Variants in SGCD observed in about 807,000 individuals in gnomAD.
The protein encoded by SGCD is sarcoglycan delta.
Under a neutral mutation model 36.6 loss-of-function variants are expected in SGCD, and 18 were observed. That is an observed-to-expected ratio of 0.49 (90% CI 0.34 to 0.73). The LOEUF is 0.73. Ranked by LOEUF, SGCD falls within the 30% of genes least tolerant of loss-of-function variation. The pLI is 0.01. For missense variants in SGCD, 387 were observed against 346.7 expected, an observed-to-expected ratio of 1.12 and a Z score of -0.92; for synonymous variants, 133 against 130.6, an observed-to-expected ratio of 1.02 and a Z score of -0.12.
At chr5:156,041,757 G>A (rs1424859336) in intron 1 of SGCD, among the ~76,000 whole-genome samples, 1 of 152,028 alleles carries the variant, frequency 6.6e-6, no homozygotes, top group Non-Finnish European at 1.5e-5. Context: ...TCATCATAAG[G>A]CAAAATAGAA....
At chr5:155,873,437 A>G (rs2113279971) in intron 1 of SGCD, among the ~76,000 whole-genome samples, 1 of 152,320 alleles carries the variant, frequency 6.6e-6, no homozygotes, top group East Asian at 1.9e-4. Flanking sequence ...AAGTCCAAAT[A>G]CTGCATGTTC....
At chr5:156,218,411 GA>G (rs1764631340) in intron 3 of SGCD, among the ~76,000 whole-genome samples, 1 of 152,030 alleles carries the variant, frequency 6.6e-6, no homozygotes, top group Admixed American at 6.6e-5. Flanking sequence ...AATTGCAATA[GA>G]TTTTTAGCAT....
chr5:156,625,948 C>T (rs1239572031), intron 6 of SGCD, among the ~76,000 whole-genome samples: 1 of 151,114 alleles, frequency 6.6e-6, no homozygotes, highest in Non-Finnish European at 1.5e-5. Context: ...TGATTCTCAA[C>T]AGTGGTGTGT....
intron 6 of SGCD, among the ~76,000 whole-genome samples, chr5:156,613,571 A>G (rs917858874): frequency 1.3e-5 from 2 of 152,200 alleles, no homozygotes; most frequent in Non-Finnish European, 2.9e-5. Flanking sequence ...AAGACAGTGG[A>G]TCTCAAAAAT....
At chr5:156,584,429 CTA>C in intron 4 of SGCD, among the ~76,000 whole-genome samples, 1 of 152,154 alleles carries the variant, frequency 6.6e-6, no homozygotes, top group Non-Finnish European at 1.5e-5. Context: ...AGACCAGGGG[CTA>C]CCTGCTCAGC....
the SGCD span, among the ~76,000 whole-genome samples, chr5:155,857,161 C>T: frequency 5.9e-5 from 9 of 152,230 alleles, no homozygotes; most frequent in South Asian, 2.1e-4. Context: ...TGCTTGATCC[C>T]GGGAAGCAGA....
rs1435091784 is a variant in SGCD, at chr5:156,761,614, T to A, written c.*2224T>A. Reference sequence around the variant, plus strand: ...CAAAGTCATTTGTGGCTAGATAGGTTAAGACAGGTGATTTTTTAAAGTAGA... The same window carrying A: ...CAAAGTCATTTGTGGCTAGATAGGTAAAGACAGGTGATTTTTTAAAGTAGA... On this transcript the variant is annotated 3_prime_UTR_variant, in exon 9 of 9. Transcript: ENST00000337851. 2 of 152,212 alleles carry A rather than the reference T, an allele frequency of 1.3e-5. No homozygotes were observed. Among genetic ancestry groups the A allele is most frequent in the African/African-American group, 4.8e-5 (2 of 41,448 alleles). The allele number at this position is 152,212 out of a possible 1,614,324, so 9.4% of individuals were successfully genotyped here.
intron 3 of SGCD, among the ~76,000 whole-genome samples, chr5:156,440,276 A>G (rs1753426405): frequency 6.6e-6 from 1 of 152,120 alleles, no homozygotes; most frequent in Non-Finnish European, 1.5e-5. Context: ...ACATAGCCTA[A>G]TGTTTCATCC....
intron 3 of SGCD, among the ~76,000 whole-genome samples, chr5:156,315,799 C>T (rs1294450997): frequency 6.6e-6 from 1 of 151,902 alleles, no homozygotes. Context: ...TTGGATATCC[C>T]TGATGATTAA....
intron 3 of SGCD, among the ~76,000 whole-genome samples, chr5:156,142,331 T>C (rs1393654556): frequency 1.3e-5 from 2 of 152,194 alleles, no homozygotes; most frequent in African/African-American, 4.8e-5. Flanking sequence ...AAGTATTTCT[T>C]TACAACAATG....
the SGCD span, among the ~76,000 whole-genome samples, chr5:155,762,929 C>T: frequency 5.3e-5 from 8 of 152,138 alleles, no homozygotes; most frequent in African/African-American, 1.9e-4. Context: ...AGGAACACAT[C>T]AAAAGGGAAT....
At chr5:156,013,185 C>T (rs1246753937) in intron 1 of SGCD, among the ~76,000 whole-genome samples, 6 of 151,732 alleles carry the variant, frequency 4.0e-5, no homozygotes, top group Non-Finnish European at 5.9e-5. Context: ...CCACCACACC[C>T]GGCTAATTTT....
Position 156,156,354 on chromosome 5 carries a change from C to T in SGCD, c.-44+32335C>T, listed in dbSNP as rs116452061. On this transcript the variant is annotated intron_variant, in intron 3 of 9. Transcript: ENST00000517913. Reference sequence around the variant, plus strand: ...GAATATTAAAACAGCTGTGGCTGGGCACGGTGGCTCACACCTGTAATCCCA... The same window carrying T: ...GAATATTAAAACAGCTGTGGCTGGGTACGGTGGCTCACACCTGTAATCCCA... Among the ~76,000 whole-genome samples the T allele has an allele frequency of 9.2e-3, 1,399 of 151,630 alleles. 62 individuals are homozygous for T. The highest frequency in any genetic ancestry group is 0.033 in the African/African-American group (1,347 of 40,958).
At chr5:156,588,978 G>A (rs186445558) in intron 4 of SGCD, among the ~76,000 whole-genome samples, 3 of 145,426 alleles carry the variant, frequency 2.1e-5, no homozygotes, top group African/African-American at 7.9e-5. Context: ...GTGTTCTGGG[G>A]GAATCTATAT....
the SGCD span, among the ~76,000 whole-genome samples, chr5:155,857,618 A>G: frequency 1.3e-5 from 2 of 152,180 alleles, no homozygotes; most frequent in Admixed American, 1.3e-4. Context: ...ACAAGCCACT[A>G]GGTCACTGGG....
intron 6 of SGCD, among the ~76,000 whole-genome samples, chr5:156,610,583 A>G (rs925819861): frequency 6.6e-6 from 1 of 152,242 alleles, no homozygotes; most frequent in African/African-American, 2.4e-5. Context: ...TGACAGGGAC[A>G]TTTAAGTTTG....
intron 3 of SGCD, among the ~76,000 whole-genome samples, chr5:156,441,703 A>G (rs1753497872): frequency 6.6e-6 from 1 of 152,140 alleles, no homozygotes; most frequent in African/African-American, 2.4e-5. Context: ...TGAGACGTCT[A>G]TTGGTCACCT....
intron 3 of SGCD, among the ~76,000 whole-genome samples, chr5:156,148,535 A>G (rs943110316): frequency 3.3e-5 from 5 of 152,112 alleles, no homozygotes; most frequent in Non-Finnish European, 5.9e-5. Context: ...TAACTGATAT[A>G]TGGTCTTTCT....
chr5:156,341,378 CTT>C (rs1768643816), intron 2 of SGCD, among the ~76,000 whole-genome samples: 1 of 151,910 alleles, frequency 6.6e-6, no homozygotes, highest in Non-Finnish European at 1.5e-5. Context: ...TCTTGCAAGA[CTT>C]TGTCTTACAA....
Sources: gnomAD v4.1 joint callset for allele counts (sites outside exome capture counted in the v4.1 genomes callset) on GRCh38, gnomAD v4.1.1 for gene constraint, MANE v1.5 for transcripts, NCBI Gene and HGNC (gene_info 2026-07-23, HGNC 2026-07-21) for gene names.